Variants in SCML2 observed in about 807,000 individuals in gnomAD.
SCML2 encodes Scm polycomb group protein like 2, also known as sex comb on midleg-like protein 2.
Under a neutral mutation model 48.4 loss-of-function variants are expected in SCML2, and 6 were observed. That is an observed-to-expected ratio of 0.12 (90% CI 0.07 to 0.24). SCML2 has a LOEUF of 0.24. Ranked by LOEUF, SCML2 falls within the 10% of genes least tolerant of loss-of-function variation. SCML2 has a pLI of 1.00. For missense variants in SCML2, 377 were observed against 528.2 expected, an observed-to-expected ratio of 0.71 and a Z score of 2.81; for synonymous variants, 181 against 189.5, an observed-to-expected ratio of 0.95 and a Z score of 0.37.
At chrX:18,319,605 AAAC>A (rs1401766082) in intron 6 of SCML2, among the ~76,000 whole-genome samples, 1 of 108,538 alleles carries the variant, frequency 9.2e-6, no homozygotes, top group African/African-American at 3.4e-5. Context: ...CAAAAAAAAA[AAAC>A]AAAAAAAAAA....
chrX:18,322,825 C>T (rs192417202), intron 5 of SCML2, among the ~76,000 whole-genome samples: 53 of 108,342 alleles, frequency 4.9e-4, no homozygotes, highest in East Asian at 4.1e-3. Context: ...AACCAGGAGG[C>T]GGAGGTTGCA....
At chrX:18,320,484 T>C in intron 5 of SCML2, 64 bp from the exon 6 acceptor site, 1 of 688,839 alleles carries the variant, frequency 1.5e-6, no homozygotes. Flanking sequence ...AACAAGTTGG[T>C]ATAAAAAATA....
rs1037076724 is a variant in SCML2 at position 18,241,229 on chromosome X, C to T, written c.*22G>A. 1 of 1,158,473 alleles carries T rather than the reference C, an allele frequency of 8.6e-7. No homozygotes were observed. The highest frequency in any genetic ancestry group is 3.0e-5 in the East Asian group (1 of 32,880). ...TAACAGTACACCTGAGAATTATGTCCAATCTAAACTTACACATTTTTTTAA... is the reference window on the plus strand; with the variant it reads ...TAACAGTACACCTGAGAATTATGTCTAATCTAAACTTACACATTTTTTTAA... On this transcript the variant is annotated 3_prime_UTR_variant, in exon 15 of 15. Transcript: ENST00000251900.
intron 4 of SCML2, 47 bp downstream of exon 4, chrX:18,324,860 C>T (rs372345552): frequency 3.2e-6 from 3 of 950,203 alleles, no homozygotes; most frequent in African/African-American, 1.9e-5. Context: ...CGTCCTCCAA[C>T]AAGTTAATAG....
In SCML2 at chrX:18,239,861, G is replaced by A. The variant is rs1447760998; in HGVS notation, c.*1390C>T. On this transcript the variant is annotated 3_prime_UTR_variant, in exon 15 of 15. Coordinates refer to ENST00000251900, the MANE Select transcript of SCML2 (RefSeq NM_006089.3). Reference sequence around the variant, plus strand: ...ATCTCTACAAAATTAGCTGGGCGTGGTGGTGCATTCCTGTAATCGCTGAGG... The same window carrying A: ...ATCTCTACAAAATTAGCTGGGCGTGATGGTGCATTCCTGTAATCGCTGAGG... 2 of 111,663 alleles carry A rather than the reference G, an allele frequency of 1.8e-5. No homozygotes were observed. Among genetic ancestry groups the A allele is most frequent in the Non-Finnish European group, 1.9e-5 (1 of 53,139 alleles). The allele number at this position is 111,663 out of a possible 1,213,427, so 9.2% of individuals were successfully genotyped here.
intron 4 of SCML2, among the ~76,000 whole-genome samples, chrX:18,324,355 G>A (rs1448032830): frequency 9.0e-6 from 1 of 111,329 alleles, no homozygotes; most frequent in Non-Finnish European, 1.9e-5. Context: ...AAAATATACC[G>A]AGTGGCTTTC....
chrX:18,339,224 T>C lies in SCML2; in HGVS notation c.-24-5129A>G, dbSNP rs1239890740. ...TGCTCTTATATTAAGCTGAAATAAA[T>C]AAATGTATATATTTATAACAACCAG... On this transcript the variant is annotated intron_variant, in intron 1 of 14. Transcript: ENST00000251900. Among the ~76,000 whole-genome samples the C allele has an allele frequency of 8.9e-5, 10 of 111,948 alleles. No individual in the cohort carries two copies. The Admixed American group carries it at 9.6e-4, about 11-fold the overall frequency.
chrX:18,329,674 T>C (rs1215137167), intron 3 of SCML2, among the ~76,000 whole-genome samples: 1 of 112,935 alleles, frequency 8.9e-6, no homozygotes, highest in African/African-American at 3.2e-5. Flanking sequence ...TAACATTTAC[T>C]GAACACTTAC....
At chrX:18,324,743 A>G (rs1286974784) in intron 4 of SCML2, among the ~76,000 whole-genome samples, 164 bp downstream of exon 4, 1 of 112,060 alleles carries the variant, frequency 8.9e-6, no homozygotes, top group Non-Finnish European at 1.9e-5. Flanking sequence ...ATTATACCTG[A>G]CATAGAGTAA....
intron 3 of SCML2, among the ~76,000 whole-genome samples, chrX:18,325,479 G>A (rs182928080): frequency 8.9e-6 from 1 of 111,767 alleles, no homozygotes; most frequent in East Asian, 2.8e-4. Context: ...GGTAACCAGA[G>A]TAGTTTCTCA....
At chrX:18,348,252 G>A (rs950465862) in intron 1 of SCML2, among the ~76,000 whole-genome samples, 1 of 111,691 alleles carries the variant, frequency 9.0e-6, no homozygotes, top group Non-Finnish European at 1.9e-5. Context: ...GGCAGCTAAT[G>A]GTGCAACTTT....
In SCML2 at chrX:18,342,331, T is replaced by G. The variant is rs753095810; in HGVS notation, c.-24-8236A>C. Among the ~76,000 whole-genome samples, 5 of 110,243 alleles carry G rather than the reference T, an allele frequency of 4.5e-5. No individual in the cohort carries two copies. In the East Asian group the frequency reaches 1.4e-3, roughly 31 times the overall value. On this transcript the variant is annotated intron_variant, in intron 1 of 14. Transcript: ENST00000251900. ...AGCAATTCCACTGTGTGAAAAAACA[T>G]TCAAATGTAAGTAAGCCTTAAAAAA...
At chrX:18,257,973 G>T in intron 10 of SCML2, 71 bp downstream of exon 10, 1 of 603,582 alleles carries the variant, frequency 1.7e-6, no homozygotes, top group East Asian at 3.8e-5. Context: ...GAAGGGGGAA[G>T]GGAAGGGGGA....
chrX:18,263,897 G>T (rs1475879428), intron 8 of SCML2, among the ~76,000 whole-genome samples: 1 of 108,042 alleles, frequency 9.3e-6, no homozygotes, highest in African/African-American at 3.4e-5. Context: ...AGAAATGTCA[G>T]CTGTTAATCA....
At position 18,304,758 on chromosome X, in the gene SCML2, T is replaced by G. The variant is rs1229094941; in HGVS notation, c.730+214A>C. 1.1e-4 allele frequency among the ~76,000 whole-genome samples: 12 copies of G among 111,567 alleles called. No individual in the cohort carries two copies. In the Admixed American group the frequency reaches 1.1e-3, roughly 11 times the overall value. On this transcript the variant is annotated intron_variant, in intron 7 of 14. Coordinates refer to ENST00000251900, the MANE Select transcript of SCML2 (RefSeq NM_006089.3). ...TTTGTCCATAATCTCCAGTGTGGAC[T>G]GGAACTCAGACTATGATGCTGCAGT...
chrX:18,277,821 T>C (rs748625918), intron 7 of SCML2, among the ~76,000 whole-genome samples: 1 of 109,880 alleles, frequency 9.1e-6, no homozygotes. Flanking sequence ...TCCAGTGTAA[T>C]AGGGGAGAAG....
chrX:18,291,380 T>C (rs992754317), intron 7 of SCML2, among the ~76,000 whole-genome samples: 1 of 112,298 alleles, frequency 8.9e-6, no homozygotes, highest in African/African-American at 3.2e-5. Flanking sequence ...AGTGATTTTT[T>C]TCTACCATTA....
At chrX:18,247,909 T>A in intron 11 of SCML2, 27 bp from the exon 12 acceptor site, 1 of 1,064,823 alleles carries the variant, frequency 9.4e-7, no homozygotes, top group East Asian at 3.0e-5. Context: ...AACAGTTGTC[T>A]GTTATAACGA....
intron 11 of SCML2, among the ~76,000 whole-genome samples, chrX:18,256,158 A>G (rs1315352916): frequency 1.8e-5 from 2 of 111,510 alleles, no homozygotes; most frequent in African/African-American, 6.5e-5. Context: ...GTCAAATTCA[A>G]GCATATCACA....
Sources: gnomAD v4.1 joint callset for allele counts (sites outside exome capture counted in the v4.1 genomes callset) on GRCh38, gnomAD v4.1.1 for gene constraint, MANE v1.5 for transcripts, NCBI Gene and HGNC (gene_info 2026-07-23, HGNC 2026-07-21) for gene names.